Variants in DPP6 observed in about 807,000 individuals in gnomAD.
The protein encoded by DPP6 is dipeptidyl peptidase like 6.
DPP6 carries 69 observed loss-of-function variants against 122.6 expected under a neutral mutation model. The observed-to-expected ratio is 0.56, with a 90% confidence interval of 0.46 to 0.69. The LOEUF (loss-of-function observed/expected upper bound fraction) is 0.69. DPP6 is among the 30% of genes least tolerant of loss of function. The pLI, the probability that DPP6 is intolerant of heterozygous loss-of-function variation, is 0.00. For synonymous variants in DPP6, 418 were observed against 433.1 expected, an observed-to-expected ratio of 0.97 and a Z score of 0.43; for missense variants, 928 against 1,116.9, an observed-to-expected ratio of 0.83 and a Z score of 2.41.
intron 1 of DPP6, among the ~76,000 whole-genome samples, chr7:154,228,252 A>G (rs899986590): frequency 6.6e-6 from 1 of 152,224 alleles, no homozygotes; most frequent in African/African-American, 2.4e-5. Context: ...ATAGTTTAAA[A>G]ATTGATGGGT....
intron 1 of DPP6, among the ~76,000 whole-genome samples, chr7:153,955,639 A>G (rs908707969): frequency 3.3e-5 from 5 of 152,230 alleles, no homozygotes; most frequent in African/African-American, 1.2e-4. Context: ...AGATTTTGCC[A>G]TGTTGGTCAG....
intron 1 of DPP6, chr7:154,058,131 C>T (rs1271251605): frequency 6.8e-6 from 1 of 148,102 alleles, no homozygotes; most frequent in Non-Finnish European, 1.5e-5. Context: ...CCCCTCTTCC[C>T]CCCCCTGGCT....
chr7:154,427,166 A>G (rs956377905), intron 1 of DPP6, among the ~76,000 whole-genome samples: 2 of 152,240 alleles, frequency 1.3e-5, no homozygotes, highest in African/African-American at 4.8e-5. Flanking sequence ...TCTCACATAA[A>G]TGCATGGTGT....
At position 154,496,878 on chromosome 7, in the gene DPP6, G is replaced by A. The variant is rs145537412; in HGVS notation, c.457+21841G>A. 3.9e-3 allele frequency among the ~76,000 whole-genome samples: 593 copies of A among 152,232 alleles called. 3 individuals are homozygous for A. Among genetic ancestry groups the A allele is most frequent in the African/African-American group, 0.013 (557 of 41,530 alleles). On this transcript the variant is annotated intron_variant, in intron 3 of 25. Transcript: ENST00000377770. ...CCATGATTACAGCTACAGAATTTTG[G>A]ATATGCTTTTATTGTTTAGCCTAGA...
At chr7:154,663,414 A>G (rs1336506017) in intron 6 of DPP6, among the ~76,000 whole-genome samples, 7 of 34,116 alleles carry the variant, frequency 2.1e-4, no homozygotes, top group African/African-American at 2.8e-4. Flanking sequence ...TATAGTCATG[A>G]TGAATCACCA....
At chr7:154,653,596 CTGAT>C (rs1463523543) in intron 6 of DPP6, among the ~76,000 whole-genome samples, 12 of 145,208 alleles carry the variant, frequency 8.3e-5, no homozygotes, top group African/African-American at 1.5e-4. Flanking sequence ...AGATAATAGA[CTGAT>C]TGATTGATAG....
chr7:154,714,666 A>T (rs925827586), intron 7 of DPP6, among the ~76,000 whole-genome samples: 5 of 152,224 alleles, frequency 3.3e-5, no homozygotes, highest in African/African-American at 1.2e-4. Context: ...CCCAAGACAC[A>T]TGAGAATTAT....
At chr7:154,842,176 C>G (rs555802145) in intron 16 of DPP6, among the ~76,000 whole-genome samples, 2 of 152,332 alleles carry the variant, frequency 1.3e-5, no homozygotes, top group Non-Finnish European at 2.9e-5. Flanking sequence ...CAGAGCCTGC[C>G]TCTGCTCACA....
chr7:154,601,041 T>A lies in DPP6; in HGVS notation c.627+34125T>A, dbSNP rs1032386260. Among the ~76,000 whole-genome samples, 2 of 120,280 alleles carry A rather than the reference T, an allele frequency of 1.7e-5. 1 individual carries two copies. Among genetic ancestry groups the A allele is most frequent in the Admixed American group, 1.9e-4 (2 of 10,736 alleles). 78.9% of individuals were successfully genotyped at this position (120,280 alleles called of 152,430 possible). A position where few individuals can be genotyped will look rare whatever the true frequency, so the allele number is the denominator to read the frequency against. On this transcript the variant is annotated intron_variant, in intron 5 of 25. Transcript: ENST00000377770. ...TGGAGGCGGAGGTTGCGGTGAGCCA[T>A]TGGACTCCAGCCTGGGCAACAAGAG...
At chr7:154,493,678 T>A (rs1315622376) in intron 3 of DPP6, among the ~76,000 whole-genome samples, 1 of 152,228 alleles carries the variant, frequency 6.6e-6, no homozygotes, top group Middle Eastern at 3.2e-3. Context: ...ATCATTCATT[T>A]ATATTGTTGC....
chr7:154,021,998 G>A (rs1199011783), intron 1 of DPP6, among the ~76,000 whole-genome samples: 1 of 152,102 alleles, frequency 6.6e-6, no homozygotes, highest in Non-Finnish European at 1.5e-5. Context: ...TATCTCAGCT[G>A]TTAAGGCCAA....
intron 1 of DPP6, among the ~76,000 whole-genome samples, chr7:154,395,485 T>C (rs1814999191): frequency 6.6e-6 from 1 of 152,208 alleles, no homozygotes; most frequent in Non-Finnish European, 1.5e-5. Flanking sequence ...GCTAAGTTAA[T>C]TCCTAAGTAT....
intron 16 of DPP6, among the ~76,000 whole-genome samples, chr7:154,829,405 GA>G: frequency 7.8e-6 from 1 of 128,994 alleles, no homozygotes; most frequent in Non-Finnish European, 1.6e-5. Context: ...AAGGAGAGAA[GA>G]GGGGGAGAGG....
chr7:154,414,103 A>G (rs1264058533), intron 1 of DPP6, among the ~76,000 whole-genome samples: 1 of 152,178 alleles, frequency 6.6e-6, no homozygotes, highest in African/African-American at 2.4e-5. Context: ...ATAACTTCCC[A>G]CAACTTGCCA....
rs149541068 is a variant in DPP6, at chr7:154,232,871, C to T, written c.243+179808C>T. The stretch of plus-strand genomic sequence containing the variant: ...TAAATGACATACAATGCGGGAGGAA[C>T]GCAGATGGAAATAGATGGCATGGGA... On this transcript the variant is annotated intron_variant, in intron 1 of 25. Transcript: ENST00000377770. Among the ~76,000 whole-genome samples the T allele has an allele frequency of 5.4e-3, 822 of 152,236 alleles. 4 individuals carry two copies. The highest frequency in any genetic ancestry group is 0.019 in the African/African-American group (775 of 41,536).
intron 1 of DPP6, among the ~76,000 whole-genome samples, chr7:154,406,487 A>ACACT (rs1816119859): frequency 6.6e-6 from 1 of 151,658 alleles, no homozygotes; most frequent in African/African-American, 2.4e-5. Context: ...ATACACACAC[A>ACACT]CACATGCACA....
chr7:154,280,703 A>G (rs1804444994), intron 1 of DPP6, among the ~76,000 whole-genome samples: 1 of 152,198 alleles, frequency 6.6e-6, no homozygotes, highest in African/African-American at 2.4e-5. Context: ...CTCCCAGGAA[A>G]ATCACCGTGT....
chr7:154,179,095 T>C (rs1203214874), intron 1 of DPP6, among the ~76,000 whole-genome samples: 1 of 152,176 alleles, frequency 6.6e-6, no homozygotes, highest in Non-Finnish European at 1.5e-5. Flanking sequence ...TGACTCATCA[T>C]CAGAATTCCC....
chr7:154,086,251 G>T (rs941428495), intron 1 of DPP6, among the ~76,000 whole-genome samples: 9 of 149,924 alleles, frequency 6.0e-5, no homozygotes, highest in African/African-American at 2.2e-4. Flanking sequence ...GCAGGGTTAG[G>T]CAACTTGGAG....
Sources: gnomAD v4.1 joint callset for allele counts (sites outside exome capture counted in the v4.1 genomes callset) on GRCh38, gnomAD v4.1.1 for gene constraint, MANE v1.5 for transcripts, NCBI Gene and HGNC (gene_info 2026-07-23, HGNC 2026-07-21) for gene names.